The following SLC30A8 variants were observed in gnomAD, a reference collection of about 807,000 sequenced individuals.
The protein encoded by SLC30A8 is solute carrier family 30 member 8.
In SLC30A8, 27 loss-of-function variants were observed where a neutral mutation model predicts 36.9. The ratio of observed to expected loss-of-function variants is 0.73; its 90% CI spans 0.54 to 1.01. The LOEUF (loss-of-function observed/expected upper bound fraction) is 1.01. Among genes scored for constraint, SLC30A8 ranks in the 50% least tolerant of loss-of-function variants. SLC30A8 has a pLI of 0.00. For missense variants in SLC30A8, 439 were observed against 452.0 expected (o/e 0.97, Z 0.26); for synonymous variants, 164 against 172.4 (o/e 0.95, Z 0.38).
intron 1 of SLC30A8, among the ~76,000 whole-genome samples, chr8:116,982,075 A>C (rs1815287164): frequency 6.6e-6 from 1 of 152,256 alleles, no homozygotes; most frequent in South Asian, 2.1e-4. Flanking sequence ...CCTTGCCAGA[A>C]TCTGTTATTT....
chr8:117,016,525 T>C (rs1439307324), intron 1 of SLC30A8, among the ~76,000 whole-genome samples: 2 of 152,208 alleles, frequency 1.3e-5, no homozygotes, highest in African/African-American at 4.8e-5. Context: ...TTTCTCCTGT[T>C]GAAATGCACG....
intron 1 of SLC30A8, among the ~76,000 whole-genome samples, chr8:116,957,002 A>G (rs1797584216): frequency 6.6e-6 from 1 of 151,986 alleles, no homozygotes. Flanking sequence ...TTCAATACTC[A>G]TGATATGAGT....
At chr8:117,062,690 TG>T (rs1380608137) in intron 2 of SLC30A8, among the ~76,000 whole-genome samples, 1 of 152,160 alleles carries the variant, frequency 6.6e-6, no homozygotes, top group Non-Finnish European at 1.5e-5. Context: ...GCCATAGGGC[TG>T]GGGTCAGAAG....
intron 2 of SLC30A8, among the ~76,000 whole-genome samples, chr8:117,062,005 A>G (rs1818035397): frequency 6.6e-6 from 1 of 152,176 alleles, no homozygotes; most frequent in Non-Finnish European, 1.5e-5. Context: ...CCTTGCCCCC[A>G]TCTCCCTTCA....
intron 2 of SLC30A8, among the ~76,000 whole-genome samples, chr8:117,099,299 G>A (rs1207217557): frequency 6.6e-6 from 1 of 151,934 alleles, no homozygotes; most frequent in Non-Finnish European, 1.5e-5. Context: ...TGAATGGCTG[G>A]CTTCTCATTG....
chr8:117,089,259 C>A (rs1363068362), intron 2 of SLC30A8, among the ~76,000 whole-genome samples: 1 of 152,092 alleles, frequency 6.6e-6, no homozygotes, highest in Non-Finnish European at 1.5e-5. Context: ...TTTTCTAGCC[C>A]CAAATTCCAT....
At chr8:117,071,514 G>T (rs1446353455) in intron 2 of SLC30A8, among the ~76,000 whole-genome samples, 2 of 152,088 alleles carry the variant, frequency 1.3e-5, no homozygotes, top group Non-Finnish European at 2.9e-5. Flanking sequence ...TCTTCACTGT[G>T]TTAATTGTTT....
chr8:117,152,696 C>G (rs1339730448), intron 2 of SLC30A8, among the ~76,000 whole-genome samples: 1 of 152,150 alleles, frequency 6.6e-6, no homozygotes, highest in Non-Finnish European at 1.5e-5. Flanking sequence ...GATGTGCCTG[C>G]CCCACACTTT....
chr8:117,152,571 T>C (rs1370942080), intron 2 of SLC30A8, among the ~76,000 whole-genome samples: 1 of 152,166 alleles, frequency 6.6e-6, no homozygotes, highest in Non-Finnish European at 1.5e-5. Context: ...CAAAAGTCCA[T>C]GTCCTCAGTC....
chr8:117,130,684 C>A (rs1454243830), upstream of SLC30A8, among the ~76,000 whole-genome samples: 1 of 151,830 alleles, frequency 6.6e-6, no homozygotes, highest in African/African-American at 2.4e-5. Context: ...TCCTCTCTTG[C>A]CTTTTTATAT....
chr8:117,023,253 AC>A (rs1306874929), intron 1 of SLC30A8, among the ~76,000 whole-genome samples: 1 of 152,192 alleles, frequency 6.6e-6, no homozygotes, highest in Non-Finnish European at 1.5e-5. Flanking sequence ...AGAAAGAGGA[AC>A]ACTTTTACAC....
At chr8:116,963,584 G>A (rs1329951367) in intron 1 of SLC30A8, among the ~76,000 whole-genome samples, 1 of 152,192 alleles carries the variant, frequency 6.6e-6, no homozygotes, top group African/African-American at 2.4e-5. Flanking sequence ...TATTGCATTA[G>A]TGCATCCTTT....
chr8:117,167,915 G>A (rs1003535711), intron 6 of SLC30A8, among the ~76,000 whole-genome samples: 6 of 152,052 alleles, frequency 3.9e-5, no homozygotes, highest in East Asian at 1.9e-4. Context: ...TGGACTCACC[G>A]TTTCACATGG....
chr8:116,968,285 A>G (rs1455864394), intron 1 of SLC30A8, among the ~76,000 whole-genome samples: 1 of 151,274 alleles, frequency 6.6e-6, no homozygotes, highest in Non-Finnish European at 1.5e-5. Flanking sequence ...AGCTTATTAT[A>G]TAGCTATAGT....
intron 2 of SLC30A8, among the ~76,000 whole-genome samples, chr8:117,040,910 T>C (rs542178381): frequency 2.0e-5 from 3 of 152,074 alleles, no homozygotes; most frequent in South Asian, 2.1e-4. Context: ...AAGAGACATA[T>C]ATGCACGTGA....
chr8:117,036,822 C>T (rs528321314), intron 1 of SLC30A8, among the ~76,000 whole-genome samples: 7 of 152,276 alleles, frequency 4.6e-5, no homozygotes, highest in South Asian at 2.1e-4. Context: ...CACTGAGACT[C>T]GATGTGGCCC....
At chr8:117,016,295 A>G (rs1275715340) in intron 1 of SLC30A8, among the ~76,000 whole-genome samples, 1 of 152,224 alleles carries the variant, frequency 6.6e-6, no homozygotes, top group Non-Finnish European at 1.5e-5. Context: ...AATGGATAAT[A>G]GAAGTCGATA....
At chr8:117,052,905 T>C in intron 2 of SLC30A8, among the ~76,000 whole-genome samples, 1 of 140,498 alleles carries the variant, frequency 7.1e-6, no homozygotes. Context: ...GTCTCCTTTT[T>C]TTTCTTTTTT....
At chr8:117,031,972 C>T (rs1489371828) in intron 1 of SLC30A8, among the ~76,000 whole-genome samples, 1 of 152,142 alleles carries the variant, frequency 6.6e-6, no homozygotes, top group African/African-American at 2.4e-5. Context: ...CACTTTCACT[C>T]CTCATACTTA....
Sources: gnomAD v4.1 joint callset for allele counts (sites outside exome capture counted in the v4.1 genomes callset) on GRCh38, gnomAD v4.1.1 for gene constraint, MANE v1.5 for transcripts, NCBI Gene and HGNC (gene_info 2026-07-23, HGNC 2026-07-21) for gene names.